The following SORCS3 variants were observed in gnomAD, a reference collection of about 807,000 sequenced individuals.
SORCS3 encodes the protein sortilin related VPS10 domain containing receptor 3, also known as VPS10 domain-containing receptor SorCS3.
A neutral mutation model predicts 146.3 loss-of-function variants in SORCS3; 57 were observed. The ratio of observed to expected loss-of-function variants is 0.39; its 90% CI spans 0.31 to 0.49. The LOEUF (loss-of-function observed/expected upper bound fraction) is 0.49. Ranked by LOEUF, SORCS3 falls within the 20% of genes least tolerant of loss-of-function variation. SORCS3 has a pLI of 0.92. For missense variants in SORCS3, 1,341 were observed against 1,575.5 expected, an observed-to-expected ratio of 0.85 and a Z score of 2.52; for synonymous variants, 653 against 618.5, an observed-to-expected ratio of 1.06 and a Z score of -0.83.
At chr10:105,139,324 A>G in intron 7 of SORCS3, 73 bp from the exon 8 acceptor site, 2 of 1,096,600 alleles carry the variant, frequency 1.8e-6, no homozygotes, top group Non-Finnish European at 1.4e-6. Context: ...TGTTGATAGA[A>G]GAGCTAATAC....
chr10:105,157,065 T>C, intron 9 of SORCS3, 73 bp from the exon 10 acceptor site: 1 of 1,549,700 alleles, frequency 6.5e-7, no homozygotes, highest in Non-Finnish European at 8.8e-7. Context: ...TTCTGCGGCT[T>C]CTCTAAGGGC....
intron 5 of SORCS3, among the ~76,000 whole-genome samples, chr10:105,089,137 G>A (rs1041921640): frequency 5.9e-5 from 9 of 152,314 alleles, no homozygotes; most frequent in Middle Eastern, 6.8e-3. Context: ...CATCTTCTAG[G>A]TGTTGGCCAG....
intron 14 of SORCS3, among the ~76,000 whole-genome samples, chr10:105,189,221 C>T (rs778332364): frequency 2.6e-5 from 4 of 152,150 alleles, no homozygotes; most frequent in Admixed American, 6.5e-5. Flanking sequence ...TAGACTCTAG[C>T]GCCCTAGTAT....
chr10:105,184,001 C>A (rs1045510088), intron 14 of SORCS3, among the ~76,000 whole-genome samples: 1 of 152,160 alleles, frequency 6.6e-6, no homozygotes, highest in Non-Finnish European at 1.5e-5. Flanking sequence ...GCTCCCGTTT[C>A]CTCATGTGGA....
At chr10:104,714,159 C>T (rs1429620768) in intron 1 of SORCS3, among the ~76,000 whole-genome samples, 1 of 151,966 alleles carries the variant, frequency 6.6e-6, no homozygotes, top group Non-Finnish European at 1.5e-5. Context: ...TGGTTATCTT[C>T]ATGAGATATT....
At chr10:105,092,077 T>C (rs940048453) in intron 6 of SORCS3, among the ~76,000 whole-genome samples, 5 of 152,236 alleles carry the variant, frequency 3.3e-5, no homozygotes, top group Admixed American at 1.3e-4. Context: ...TATTTTCTGA[T>C]GCTGGACAGC....
At chr10:104,856,979 T>A (rs967648712) in intron 2 of SORCS3, among the ~76,000 whole-genome samples, 1 of 148,796 alleles carries the variant, frequency 6.7e-6, no homozygotes, top group Non-Finnish European at 1.5e-5. Flanking sequence ...AACAAAGGCG[T>A]GTGAGAGAGA....
intron 1 of SORCS3, among the ~76,000 whole-genome samples, chr10:104,706,904 C>T (rs774653021): frequency 1.6e-4 from 24 of 152,086 alleles, no homozygotes; most frequent in Non-Finnish European, 3.2e-4. Flanking sequence ...AGTGTGGGCA[C>T]GTGGAAGATT....
At chr10:105,035,680 A>C (rs2791462) in intron 4 of SORCS3, among the ~76,000 whole-genome samples, 31,454 of 151,888 alleles carry the variant, frequency 0.21, 3,513 homozygotes, top group African/African-American at 0.29. Flanking sequence ...GTTGGCCAGG[A>C]TGGTCTCGAA....
At chr10:105,093,394 T>C (rs2055723780) in intron 6 of SORCS3, among the ~76,000 whole-genome samples, 1 of 152,092 alleles carries the variant, frequency 6.6e-6, no homozygotes, top group Admixed American at 6.5e-5. Context: ...AACAGCAAAA[T>C]TGATAAAATA....
chr10:104,968,210 G>T (rs2054837555), intron 3 of SORCS3, among the ~76,000 whole-genome samples: 1 of 152,128 alleles, frequency 6.6e-6, no homozygotes, highest in Admixed American at 6.6e-5. Flanking sequence ...CTGCCTCCCA[G>T]GTTCAAGCAA....
At chr10:104,850,193 G>T (rs1404895461) in intron 2 of SORCS3, among the ~76,000 whole-genome samples, 2 of 152,192 alleles carry the variant, frequency 1.3e-5, no homozygotes, top group African/African-American at 4.8e-5. Flanking sequence ...TGCATCCTCA[G>T]AATTACTTGT....
At chr10:104,890,918 T>G (rs1316934247) in intron 2 of SORCS3, among the ~76,000 whole-genome samples, 5 of 152,186 alleles carry the variant, frequency 3.3e-5, no homozygotes, top group African/African-American at 7.2e-5. Context: ...GATTAATTGA[T>G]TTTTCTTCTT....
chr10:104,992,862 G>A (rs916150493), intron 4 of SORCS3, among the ~76,000 whole-genome samples: 8 of 151,970 alleles, frequency 5.3e-5, no homozygotes, highest in Middle Eastern at 3.4e-3. Flanking sequence ...TTTAAGAAAC[G>A]TCTAGAAAGA....
intron 2 of SORCS3, among the ~76,000 whole-genome samples, chr10:104,849,133 AG>A (rs1281499887): frequency 6.6e-6 from 1 of 152,168 alleles, no homozygotes; most frequent in African/African-American, 2.4e-5. Context: ...AAAAACAGCC[AG>A]GCCTGGTGGC....
At chr10:105,184,461 C>G (rs753053704) in intron 14 of SORCS3, among the ~76,000 whole-genome samples, 3 of 152,164 alleles carry the variant, frequency 2.0e-5, no homozygotes, top group Non-Finnish European at 2.9e-5. Context: ...GTAGTTTGAC[C>G]CTGAACAAGA....
chr10:104,718,244 C>G (rs2016502405), intron 1 of SORCS3, among the ~76,000 whole-genome samples: 1 of 152,026 alleles, frequency 6.6e-6, no homozygotes, highest in Admixed American at 6.6e-5. Context: ...ATCAAGGGGC[C>G]CCTACCTGGT....
intron 12 of SORCS3, 53 bp downstream of exon 12, chr10:105,164,432 A>G (rs768676610): frequency 2.5e-6 from 3 of 1,177,370 alleles, no homozygotes; most frequent in Non-Finnish European, 3.8e-6. Context: ...AAGTTCTACC[A>G]ATCTCTCTCT....
At chr10:104,675,320 T>A in intron 1 of SORCS3, among the ~76,000 whole-genome samples, 1 of 152,232 alleles carries the variant, frequency 6.6e-6, no homozygotes, top group Middle Eastern at 3.2e-3. Flanking sequence ...AAGTTAGATT[T>A]GTAAGTTCCT....
Sources: gnomAD v4.1 joint callset for allele counts (sites outside exome capture counted in the v4.1 genomes callset) on GRCh38, gnomAD v4.1.1 for gene constraint, MANE v1.5 for transcripts, NCBI Gene and HGNC (gene_info 2026-07-23, HGNC 2026-07-21) for gene names.